The following C10orf90 variants were observed in gnomAD, a reference collection of about 807,000 sequenced individuals.
C10orf90 encodes the protein (E2-independent) E3 ubiquitin-conjugating enzyme FATS.
Under a neutral mutation model 62.5 loss-of-function variants are expected in C10orf90, and 56 were observed. The observed-to-expected ratio is 0.90, with a 90% CI of 0.72 to 1.12. The LOEUF (loss-of-function observed/expected upper bound fraction) is 1.12. Ranked by LOEUF, C10orf90 falls within the 50% of genes most tolerant of loss-of-function variation. The pLI, the probability that C10orf90 is intolerant of heterozygous loss-of-function variation, is 0.00. For synonymous variants in C10orf90, 386 were observed against 340.4 expected, an observed-to-expected ratio of 1.13 and a Z score of -1.47; for missense variants, 970 against 880.4, an observed-to-expected ratio of 1.10 and a Z score of -1.29.
intron 2 of C10orf90, among the ~76,000 whole-genome samples, chr10:126,536,341 G>A (rs1362570223): frequency 6.6e-6 from 1 of 152,228 alleles, no homozygotes; most frequent in Non-Finnish European, 1.5e-5. Context: ...TGCTGCCTCA[G>A]CAATTAGCTG....
intron 2 of C10orf90, among the ~76,000 whole-genome samples, chr10:126,560,897 C>A (rs1864885682): frequency 6.6e-6 from 1 of 152,172 alleles, no homozygotes; most frequent in African/African-American, 2.4e-5. Context: ...TTCTTTTAAT[C>A]CATTTTAAAT....
chr10:126,472,300 A>G (rs888727739), intron 4 of C10orf90, among the ~76,000 whole-genome samples: 1 of 152,232 alleles, frequency 6.6e-6, no homozygotes, highest in Non-Finnish European at 1.5e-5. Context: ...CCTATAGAAA[A>G]GTATTAAAAA....
intron 2 of C10orf90, among the ~76,000 whole-genome samples, chr10:126,566,499 C>A (rs1024767665): frequency 6.6e-6 from 1 of 152,164 alleles, no homozygotes; most frequent in East Asian, 1.9e-4. Context: ...GATACTGGGG[C>A]AGCCTTGCTG....
chr10:126,540,398 C>T (rs996668041), intron 2 of C10orf90, among the ~76,000 whole-genome samples: 2 of 152,250 alleles, frequency 1.3e-5, no homozygotes, highest in Non-Finnish European at 1.5e-5. Flanking sequence ...GTGGCTCATA[C>T]CTGTAATCCC....
chr10:126,553,576 T>C (rs1864687888), intron 2 of C10orf90, among the ~76,000 whole-genome samples: 1 of 152,202 alleles, frequency 6.6e-6, no homozygotes, highest in Admixed American at 6.5e-5. Context: ...CTTTCCTACG[T>C]ATAGATATGT....
At chr10:126,626,991 T>C (rs945542645) in intron 2 of C10orf90, among the ~76,000 whole-genome samples, 3 of 108,114 alleles carry the variant, frequency 2.8e-5, no homozygotes, top group Non-Finnish European at 5.8e-5. Context: ...TTCTTTTTCT[T>C]TTTCTTTTCT....
Position 126,458,520 on chromosome 10 carries a change from C to A in C10orf90, c.2188+520G>T, listed in dbSNP as rs537644165. ...ACCCAGAGAAGGGTCTTGATAACTCCCTCTCCAGTGAGTAAGTAAGTGCCC... is the reference window on the plus strand; with the variant it reads ...ACCCAGAGAAGGGTCTTGATAACTCACTCTCCAGTGAGTAAGTAAGTGCCC... On this transcript the variant is annotated intron_variant, in intron 7 of 9. Coordinates refer to ENST00000488181, the MANE Select transcript of C10orf90 (RefSeq NM_001350921.2). Among the ~76,000 whole-genome samples, 69 of 152,274 alleles carry A rather than the reference C, an allele frequency of 4.5e-4. 1 individual carries two copies. The highest frequency in any genetic ancestry group is 1.6e-3 in the African/African-American group (66 of 41,542).
chr10:126,425,516 A>T lies in C10orf90; in HGVS notation c.*348T>A, dbSNP rs1264940149. 1 of 305,346 alleles carries T rather than the reference A, an allele frequency of 3.3e-6. No homozygotes were observed. The highest frequency in any genetic ancestry group is 6.0e-6 in the Non-Finnish European group (1 of 166,996). 18.9% of individuals were successfully genotyped at this position (305,346 alleles called of 1,614,324 possible). On this transcript the variant is annotated 3_prime_UTR_variant, in exon 10 of 10. Transcript: ENST00000488181. Reference sequence around the variant, plus strand: ...TGTAAAAGATTCCCCAGGGATGTAAACAAACTTGCTTGTATCAGGCCTCTC... The same window carrying T: ...TGTAAAAGATTCCCCAGGGATGTAATCAAACTTGCTTGTATCAGGCCTCTC...
At chr10:126,487,674 T>A (rs1463432486) in intron 4 of C10orf90, among the ~76,000 whole-genome samples, 1 of 152,158 alleles carries the variant, frequency 6.6e-6, no homozygotes, top group African/African-American at 2.4e-5. Flanking sequence ...GTCCCTCCAC[T>A]TTGATGCACC....
intron 2 of C10orf90, among the ~76,000 whole-genome samples, chr10:126,570,269 A>G (rs1844479412): frequency 6.6e-6 from 1 of 152,214 alleles, no homozygotes; most frequent in Admixed American, 6.5e-5. Flanking sequence ...GTCAATCAGT[A>G]AAGAGTTATG....
chr10:126,657,740 C>T (rs984656630), intron 1 of C10orf90, among the ~76,000 whole-genome samples: 3 of 151,870 alleles, frequency 2.0e-5, no homozygotes, highest in Non-Finnish European at 4.4e-5. Flanking sequence ...CTCAGCCTCC[C>T]GAGTAGCTGG....
At chr10:126,605,817 A>G (rs972469988) in intron 2 of C10orf90, among the ~76,000 whole-genome samples, 2 of 152,266 alleles carry the variant, frequency 1.3e-5, no homozygotes, top group Admixed American at 1.3e-4. Context: ...GAGACCTGGA[A>G]AAGGCATGTC....
chr10:126,473,135 C>A (rs906711272), intron 4 of C10orf90, among the ~76,000 whole-genome samples: 1 of 152,164 alleles, frequency 6.6e-6, no homozygotes, highest in Non-Finnish European at 1.5e-5. Context: ...ATCTCCACAC[C>A]AGCCCCACAT....
At chr10:126,646,217 C>T (rs1340584369) in intron 2 of C10orf90, among the ~76,000 whole-genome samples, 1 of 152,172 alleles carries the variant, frequency 6.6e-6, no homozygotes, top group East Asian at 1.9e-4. Flanking sequence ...TAAATTGCAT[C>T]CACTTTGTTC....
chr10:126,524,388 A>G (rs1428842722), intron 2 of C10orf90: 1 of 152,758 alleles, frequency 6.5e-6, no homozygotes, highest in Non-Finnish European at 1.5e-5. Flanking sequence ...TGCCAGGAAG[A>G]GGAGGCACTC....
intron 7 of C10orf90, among the ~76,000 whole-genome samples, chr10:126,448,936 T>C (rs1175290027): frequency 6.6e-6 from 1 of 152,222 alleles, no homozygotes; most frequent in East Asian, 1.9e-4. Context: ...GATGGCTTCA[T>C]GGCTGAATTC....
Position 126,459,021 on chromosome 10 carries a change from C to A in C10orf90, c.2188+19G>T. 1 of 1,606,400 alleles carries A rather than the reference C, an allele frequency of 6.2e-7. No homozygotes were observed. Among genetic ancestry groups the A allele is most frequent in the Non-Finnish European group, 8.5e-7 (1 of 1,176,380 alleles). On this transcript the variant is annotated intron_variant, in intron 7 of 9. Transcript: ENST00000488181. ...CATCCCTGGTCTTTTCCAGTCTCCA[C>A]AAGCCACCTGCAGCTTACCACTCAG... is the stretch of plus-strand genomic sequence containing the variant.
At chr10:126,658,938 GC>G (rs1382439266) in intron 1 of C10orf90, among the ~76,000 whole-genome samples, 1 of 152,178 alleles carries the variant, frequency 6.6e-6, no homozygotes, top group Non-Finnish European at 1.5e-5. Context: ...CATTTCGCAA[GC>G]TTCCTCCAGA....
At chr10:126,657,108 C>T (rs1341927791) in intron 1 of C10orf90, among the ~76,000 whole-genome samples, 2 of 152,084 alleles carry the variant, frequency 1.3e-5, no homozygotes, top group African/African-American at 4.8e-5. Flanking sequence ...CTCAGAAGTG[C>T]CATTCATTCA....
Sources: allele counts gnomAD v4.1 joint callset (sites outside exome capture counted in the v4.1 genomes callset), GRCh38; gene constraint gnomAD v4.1.1; transcripts MANE v1.5; gene names NCBI Gene and HGNC (gene_info 2026-07-23, HGNC 2026-07-21).